PALLD: variants seen among roughly 807,000 people sequenced by gnomAD.
The protein encoded by PALLD is palladin, cytoskeletal associated protein.
A neutral mutation model predicts 123.5 loss-of-function variants in PALLD; 61 were observed. That is an observed-to-expected ratio of 0.49 (90% CI 0.40 to 0.61). The LOEUF (loss-of-function observed/expected upper bound fraction) is 0.61. Among genes scored for constraint, PALLD ranks in the 20% least tolerant of loss-of-function variants. The pLI is 0.00. For missense variants in PALLD, 1,273 were observed against 1,377.0 expected, an observed-to-expected ratio of 0.92 and a Z score of 1.20; for synonymous variants, 465 against 496.4, an observed-to-expected ratio of 0.94 and a Z score of 0.84.
intron 14 of PALLD, 47 bp from the exon 15 acceptor site, chr4:168,903,710 T>C (rs1043951519): frequency 1.4e-5 from 21 of 1,476,534 alleles, no homozygotes; most frequent in African/African-American, 5.5e-5. Flanking sequence ...CCAAATAGAG[T>C]AGGAATACAC....
chr4:168,629,728 T>C (rs922380826), intron 2 of PALLD, among the ~76,000 whole-genome samples: 8 of 152,108 alleles, frequency 5.3e-5, no homozygotes, highest in African/African-American at 1.9e-4. Context: ...AACGTTGGGA[T>C]AGTTCTCATT....
At chr4:168,847,271 A>G (rs561890254) in intron 10 of PALLD, among the ~76,000 whole-genome samples, 41 of 152,340 alleles carry the variant, frequency 2.7e-4, no homozygotes, top group African/African-American at 9.4e-4. Flanking sequence ...AGGCAGCTTT[A>G]TTGCTACACT....
chr4:168,599,683 G>A (rs942265246), intron 2 of PALLD, among the ~76,000 whole-genome samples: 12 of 152,282 alleles, frequency 7.9e-5, no homozygotes, highest in Non-Finnish European at 1.6e-4. Context: ...AGGATCATTT[G>A]AGGCCATGAG....
At chr4:168,548,218 G>C (rs1328507371) in intron 2 of PALLD, among the ~76,000 whole-genome samples, 4 of 151,890 alleles carry the variant, frequency 2.6e-5, no homozygotes, top group Non-Finnish European at 4.4e-5. Flanking sequence ...TTGAAGGGGA[G>C]AGTTCAGTCA....
rs917341253 is a variant in PALLD, at chr4:168,926,624, A to G, written c.*444A>G. 2.4e-6 allele frequency: 1 copy of G among 422,520 alleles called. No homozygotes were observed. Among genetic ancestry groups the G allele is most frequent in the Non-Finnish European group, 4.2e-6 (1 of 235,678 alleles). The allele number at this position is 422,520 out of a possible 1,614,324, so 26.2% of individuals were successfully genotyped here. A position where few individuals can be genotyped will look rare whatever the true frequency, so the allele number is the denominator to read the frequency against. On this transcript the variant is annotated 3_prime_UTR_variant, in exon 22 of 22. Transcript: ENST00000505667. ...TTACTGTCCAATTTAAAACTTTGGA[A>G]TTGCTGTGATTAAAGTGATCAAAAT...
intron 10 of PALLD, among the ~76,000 whole-genome samples, chr4:168,748,849 A>G (rs1201792048): frequency 2.0e-5 from 3 of 152,122 alleles, no homozygotes; most frequent in Non-Finnish European, 4.4e-5. Flanking sequence ...CAGTGTGGCA[A>G]TTTGCTGCTT....
chr4:168,719,198 T>G lies in PALLD; in HGVS notation c.1964+7275T>G, dbSNP rs1334453070. ...TGGGATTACAGGCGTGAGCCACTGC[T>G]CCCAGCCACCAGTCTAAGTTTCAAT... On this transcript the variant is annotated intron_variant, in intron 10 of 21. Transcript: ENST00000505667. 6.8e-5 allele frequency among the ~76,000 whole-genome samples: 10 copies of G among 147,254 alleles called. 1 individual carries two copies.
At chr4:168,632,837 T>C (rs1485661827) in intron 2 of PALLD, among the ~76,000 whole-genome samples, 3 of 152,180 alleles carry the variant, frequency 2.0e-5, no homozygotes, top group Non-Finnish European at 4.4e-5. Flanking sequence ...TCCCCTAATC[T>C]ATTTGCATTA....
intron 10 of PALLD, among the ~76,000 whole-genome samples, chr4:168,827,030 G>A (rs558346389): frequency 2.4e-4 from 37 of 152,242 alleles, no homozygotes; most frequent in African/African-American, 7.5e-4. Flanking sequence ...TTATCGTAGC[G>A]TGGCCTTTCT....
chr4:168,593,598 G>A (rs1771676243), intron 2 of PALLD, among the ~76,000 whole-genome samples: 2 of 152,282 alleles, frequency 1.3e-5, no homozygotes, highest in African/African-American at 2.4e-5. Flanking sequence ...ATGCCAAAAA[G>A]CAAGAGGATT....
chr4:168,825,062 C>T (rs1743240421), intron 10 of PALLD, among the ~76,000 whole-genome samples: 1 of 151,124 alleles, frequency 6.6e-6, no homozygotes, highest in South Asian at 2.1e-4. Flanking sequence ...GTGATCCTCC[C>T]ACCTTGGCCT....
chr4:168,556,263 T>A (rs1023090444), intron 2 of PALLD, among the ~76,000 whole-genome samples: 3 of 151,960 alleles, frequency 2.0e-5, no homozygotes, highest in African/African-American at 7.2e-5. Context: ...GCCCGGCTAA[T>A]TTTTTGTATT....
intron 14 of PALLD, among the ~76,000 whole-genome samples, chr4:168,900,443 A>G (rs1195115420): frequency 6.6e-6 from 1 of 152,258 alleles, no homozygotes; most frequent in Non-Finnish European, 1.5e-5. Flanking sequence ...ATAGTACCAA[A>G]AAATACAAAT....
At chr4:168,606,400 C>T (rs1468468033) in intron 2 of PALLD, among the ~76,000 whole-genome samples, 5 of 152,084 alleles carry the variant, frequency 3.3e-5, no homozygotes, top group Admixed American at 1.3e-4. Context: ...CCTGGCCAGG[C>T]GTGGTGGCTC....
At chr4:168,598,476 C>CAG in intron 2 of PALLD, 1 of 576,766 alleles carries the variant, frequency 1.7e-6, no homozygotes. Context: ...AAGGTGTTAG[C>CAG]AGAGAGAGAA....
chr4:168,633,281 A>G (rs1211269166), intron 2 of PALLD, among the ~76,000 whole-genome samples: 1 of 152,210 alleles, frequency 6.6e-6, no homozygotes, highest in Non-Finnish European at 1.5e-5. Flanking sequence ...TCAGTAACCT[A>G]AGACTCTTAC....
rs866924522 is a variant in PALLD at position 168,755,227 on chromosome 4, C to T, written c.1964+43304C>T. Among the ~76,000 whole-genome samples, 196 of 128,172 alleles carry T rather than the reference C, an allele frequency of 1.5e-3. No homozygotes were observed. In the Middle Eastern group the frequency reaches 0.02, roughly 13 times the overall value. The allele number at this position is 128,172 out of a possible 152,430, so 84.1% of individuals were successfully genotyped here. A position where few individuals can be genotyped will look rare whatever the true frequency, so the allele number is the denominator to read the frequency against. Reference sequence around the variant, plus strand: ...CAGCCTGGGCGAGAGAGCAAGACTCCGTCTCAAAAAAAAAAAAAAAAAAAG... The same window carrying T: ...CAGCCTGGGCGAGAGAGCAAGACTCTGTCTCAAAAAAAAAAAAAAAAAAAG... On this transcript the variant is annotated intron_variant, in intron 10 of 21. Coordinates refer to ENST00000505667, the MANE Select transcript of PALLD (RefSeq NM_001166108.2).
chr4:168,916,106 G>A, intron 17 of PALLD, 79 bp downstream of exon 17: 1 of 1,360,810 alleles, frequency 7.3e-7, no homozygotes. Context: ...TCCTTTTGGG[G>A]AAATTACATA....
At chr4:168,820,127 A>AT (rs1366737670) in intron 10 of PALLD, among the ~76,000 whole-genome samples, 4 of 152,268 alleles carry the variant, frequency 2.6e-5, no homozygotes, top group Admixed American at 2.6e-4. Context: ...AGGCAAGGTG[A>AT]TTCTGCTTCA....
Sources: allele counts gnomAD v4.1 joint callset (sites outside exome capture counted in the v4.1 genomes callset), GRCh38; gene constraint gnomAD v4.1.1; transcripts MANE v1.5; gene names NCBI Gene and HGNC (gene_info 2026-07-23, HGNC 2026-07-21).